Variants in SGCZ observed in about 807,000 individuals in gnomAD.
SGCZ encodes zeta-sarcoglycan.
In SGCZ, 40 loss-of-function variants were observed where a neutral mutation model predicts 41.3. The observed-to-expected ratio is 0.97, with a 90% CI of 0.75 to 1.26. The LOEUF is 1.26. SGCZ is among the 50% of genes most tolerant of loss of function. The probability of loss-of-function intolerance (pLI) is 0.00; values close to 1 mark genes in which losing one functional copy is unlikely to be tolerated. For missense variants in SGCZ, 552 were observed against 369.8 expected, an observed-to-expected ratio of 1.49 and a Z score of -4.04; for synonymous variants, 206 against 137.5, an observed-to-expected ratio of 1.50 and a Z score of -3.49.
chr8:14,830,026 G>A (rs527335465), intron 1 of SGCZ, among the ~76,000 whole-genome samples: 1 of 151,840 alleles, frequency 6.6e-6, no homozygotes, highest in African/African-American at 2.4e-5. Context: ...GTTAGCCAGG[G>A]GTCTCGATCG....
At chr8:14,173,558 C>G (rs1804453942) in intron 4 of SGCZ, among the ~76,000 whole-genome samples, 1 of 152,046 alleles carries the variant, frequency 6.6e-6, no homozygotes, top group Non-Finnish European at 1.5e-5. Context: ...TGTATAACAA[C>G]TCTCCAAATG....
At chr8:14,287,499 T>G (rs934880767) in intron 3 of SGCZ, among the ~76,000 whole-genome samples, 5 of 152,022 alleles carry the variant, frequency 3.3e-5, no homozygotes, top group African/African-American at 1.2e-4. Context: ...ATTAATGAGT[T>G]TGGTCTCTAA....
At chr8:14,616,634 G>A (rs1421570635) in intron 1 of SGCZ, among the ~76,000 whole-genome samples, 3 of 152,040 alleles carry the variant, frequency 2.0e-5, no homozygotes, top group Admixed American at 6.5e-5. Flanking sequence ...GAGAATTCAG[G>A]CACTGAGCTT....
chr8:14,968,956 A>G (rs1473685356), intron 1 of SGCZ, among the ~76,000 whole-genome samples: 4 of 152,138 alleles, frequency 2.6e-5, no homozygotes, highest in Non-Finnish European at 5.9e-5. Context: ...GGAATTGTAA[A>G]GTGTAAAAAA....
intron 3 of SGCZ, among the ~76,000 whole-genome samples, chr8:14,321,475 T>C (rs1801916778): frequency 6.6e-6 from 1 of 152,042 alleles, no homozygotes; most frequent in African/African-American, 2.4e-5. Context: ...GGTGACTGCA[T>C]CTTCTGTTCA....
At chr8:15,228,351 G>A (rs1801841035) in intron 1 of SGCZ, among the ~76,000 whole-genome samples, 2 of 152,102 alleles carry the variant, frequency 1.3e-5, no homozygotes, top group Admixed American at 1.3e-4. Context: ...ATAATGAGGA[G>A]CTTTATCATT....
intron 1 of SGCZ, among the ~76,000 whole-genome samples, chr8:14,682,901 C>G (rs1808494905): frequency 6.6e-6 from 1 of 152,088 alleles, no homozygotes; most frequent in African/African-American, 2.4e-5. Context: ...TTGTAAATAA[C>G]TGCATAGATG....
intron 1 of SGCZ, among the ~76,000 whole-genome samples, chr8:14,809,092 A>C (rs1199435642): frequency 8.1e-6 from 1 of 123,146 alleles, no homozygotes; most frequent in Non-Finnish European, 1.6e-5. Flanking sequence ...GGGTGGGTGG[A>C]GGGGGGAGGG....
chr8:14,864,653 G>A (rs1185912041), intron 1 of SGCZ, among the ~76,000 whole-genome samples: 3 of 152,068 alleles, frequency 2.0e-5, no homozygotes, highest in East Asian at 1.9e-4. Flanking sequence ...TACAAAAAGA[G>A]AAATTCTAAT....
chr8:14,730,204 G>A (rs1413521012), intron 1 of SGCZ, among the ~76,000 whole-genome samples: 1 of 152,164 alleles, frequency 6.6e-6, no homozygotes, highest in Non-Finnish European at 1.5e-5. Flanking sequence ...TTTCTGGAGT[G>A]CCGCACGAAG....
chr8:14,705,415 C>T lies in SGCZ; in HGVS notation c.40-150489G>A, dbSNP rs927246366. Among the ~76,000 whole-genome samples the T allele has an allele frequency of 1.8e-4, 28 of 152,022 alleles. 1 individual carries two copies. Among genetic ancestry groups the T allele is most frequent in the South Asian group, 1.7e-3 (8 of 4,828 alleles). Reference sequence around the variant, plus strand: ...ACTATAATCAAATTACTAAATCTTTCTGAATTTCCATTTCCTCATCTATAA... The same window carrying T: ...ACTATAATCAAATTACTAAATCTTTTTGAATTTCCATTTCCTCATCTATAA... On this transcript the variant is annotated intron_variant, in intron 1 of 7. Transcript: ENST00000382080.
At chr8:14,646,342 G>A (rs955645954) in intron 1 of SGCZ, among the ~76,000 whole-genome samples, 3 of 151,800 alleles carry the variant, frequency 2.0e-5, no homozygotes, top group Admixed American at 6.6e-5. Context: ...TTAGGATAAT[G>A]GACTCCAGCT....
At chr8:15,230,954 G>A (rs759888997) in intron 1 of SGCZ, among the ~76,000 whole-genome samples, 11 of 152,166 alleles carry the variant, frequency 7.2e-5, no homozygotes, top group Non-Finnish European at 2.9e-5. Flanking sequence ...GCCACTACTG[G>A]TAGACGGCAG....
At chr8:14,211,532 C>A (rs1805806697) in intron 4 of SGCZ, among the ~76,000 whole-genome samples, 1 of 152,178 alleles carries the variant, frequency 6.6e-6, no homozygotes, top group African/African-American at 2.4e-5. Context: ...TGAAGAAAAG[C>A]TTTAACTGAC....
intron 3 of SGCZ, among the ~76,000 whole-genome samples, chr8:14,314,236 C>A (rs569303732): frequency 6.6e-6 from 1 of 152,166 alleles, no homozygotes; most frequent in South Asian, 2.1e-4. Context: ...TATTATTTAG[C>A]AACTTCAAAC....
At chr8:14,777,977 G>A (rs942490116) in intron 1 of SGCZ, among the ~76,000 whole-genome samples, 2 of 151,754 alleles carry the variant, frequency 1.3e-5, no homozygotes, top group African/African-American at 2.4e-5. Context: ...AGGCTGGAGT[G>A]CAGAGGCATG....
At chr8:14,349,218 A>T (rs1803002499) in intron 2 of SGCZ, among the ~76,000 whole-genome samples, 1 of 152,080 alleles carries the variant, frequency 6.6e-6, no homozygotes, top group South Asian at 2.1e-4. Context: ...CATTACCAAA[A>T]TCGGTTGCCT....
intron 1 of SGCZ, among the ~76,000 whole-genome samples, chr8:15,018,027 G>T (rs1265586181): frequency 1.3e-5 from 2 of 152,112 alleles, no homozygotes; most frequent in African/African-American, 4.8e-5. Context: ...ACTGCGCCTG[G>T]CTCAAAGTCA....
At chr8:14,695,609 G>A (rs1031847059) in intron 1 of SGCZ, among the ~76,000 whole-genome samples, 1 of 151,954 alleles carries the variant, frequency 6.6e-6, no homozygotes, top group Non-Finnish European at 1.5e-5. Flanking sequence ...CATGGCTAGA[G>A]AGTTTGATTA....
Sources: gnomAD v4.1 joint callset for allele counts (sites outside exome capture counted in the v4.1 genomes callset) on GRCh38, gnomAD v4.1.1 for gene constraint, MANE v1.5 for transcripts, NCBI Gene and HGNC (gene_info 2026-07-23, HGNC 2026-07-21) for gene names.